Variants in GRM8 observed in about 807,000 individuals in gnomAD.
The protein encoded by GRM8 is metabotropic glutamate receptor 8.
A neutral mutation model predicts 87.2 loss-of-function variants in GRM8; 47 were observed. That is an observed-to-expected ratio of 0.54 (90% CI 0.43 to 0.69). GRM8 has a LOEUF of 0.69. Among genes scored for constraint, GRM8 ranks in the 30% least tolerant of loss-of-function variants. GRM8 has a pLI of 0.00. For synonymous variants in GRM8, 396 were observed against 404.5 expected, an observed-to-expected ratio of 0.98 and a Z score of 0.25; for missense variants, 1,019 against 1,139.2, an observed-to-expected ratio of 0.89 and a Z score of 1.52.
intron 9 of GRM8, among the ~76,000 whole-genome samples, chr7:126,474,828 T>G (rs149041003): frequency 4.6e-5 from 7 of 152,270 alleles, no homozygotes; most frequent in Non-Finnish European, 1.0e-4. Context: ...GATGGTTTCA[T>G]GTACACAAAT....
At chr7:126,568,282 A>T in intron 8 of GRM8, among the ~76,000 whole-genome samples, 1 of 152,182 alleles carries the variant, frequency 6.6e-6, no homozygotes, top group East Asian at 1.9e-4. Flanking sequence ...CAAGATATCA[A>T]ACATATCCAT....
At position 126,557,417 on chromosome 7, in the gene GRM8, C is replaced by T. The variant is rs370910432; in HGVS notation, c.1495-23530G>A. On this transcript the variant is annotated intron_variant, in intron 8 of 10. Transcript: ENST00000339582. Reference sequence around the variant, plus strand: ...TGTCTCTGTACATTTTTCTCGCACACCAGCACAGGGCACTTCTTTGCTGCT... The same window carrying T: ...TGTCTCTGTACATTTTTCTCGCACATCAGCACAGGGCACTTCTTTGCTGCT... Among the ~76,000 whole-genome samples, 3 of 152,188 alleles carry T rather than the reference C, an allele frequency of 2.0e-5. No individual in the cohort carries two copies. The East Asian group carries it at 5.8e-4, about 29-fold the overall frequency.
chr7:126,724,563 G>A (rs1013918672), intron 7 of GRM8, among the ~76,000 whole-genome samples: 1 of 152,044 alleles, frequency 6.6e-6, no homozygotes, highest in Non-Finnish European at 1.5e-5. Flanking sequence ...CTGAGAGTCT[G>A]GCATTGCTTA....
intron 3 of GRM8, among the ~76,000 whole-genome samples, chr7:127,083,207 T>C (rs1373409281): frequency 1.3e-5 from 2 of 152,238 alleles, no homozygotes; most frequent in Admixed American, 1.3e-4. Context: ...GCATTTCTTT[T>C]TGTTTTCCTC....
At chr7:126,501,873 G>A (rs1809700690) in intron 9 of GRM8, among the ~76,000 whole-genome samples, 1 of 152,014 alleles carries the variant, frequency 6.6e-6, no homozygotes, top group South Asian at 2.1e-4. Context: ...ATTTTAATCA[G>A]CCAGAAGGAC....
intron 6 of GRM8, among the ~76,000 whole-genome samples, chr7:126,802,736 A>G (rs970710852): frequency 1.3e-5 from 2 of 152,224 alleles, no homozygotes; most frequent in African/African-American, 4.8e-5. Flanking sequence ...GCTGCAGCAT[A>G]AATGGCAGAA....
At chr7:126,499,918 C>CGA (rs1554365788) in intron 9 of GRM8, among the ~76,000 whole-genome samples, 1 of 151,566 alleles carries the variant, frequency 6.6e-6, no homozygotes, top group Non-Finnish European at 1.5e-5. Context: ...TATACAATTA[C>CGA]TTTGTTAATT....
At chr7:126,690,705 C>T (rs751705605) in intron 7 of GRM8, among the ~76,000 whole-genome samples, 12 of 152,132 alleles carry the variant, frequency 7.9e-5, no homozygotes, top group East Asian at 5.8e-4. Context: ...GAATGAGGTA[C>T]GCAGACAAGT....
chr7:126,690,772 G>A (rs951782857), intron 7 of GRM8, among the ~76,000 whole-genome samples: 1 of 152,154 alleles, frequency 6.6e-6, no homozygotes, highest in African/African-American at 2.4e-5. Context: ...GACCTGCAGT[G>A]GGTAGCTTTT....
intron 6 of GRM8, among the ~76,000 whole-genome samples, chr7:126,820,418 C>T (rs1457588382): frequency 6.6e-6 from 1 of 152,186 alleles, no homozygotes; most frequent in African/African-American, 2.4e-5. Context: ...ACTTCTTCAG[C>T]ACCACCCTAT....
chr7:127,025,860 A>T (rs993314417), intron 3 of GRM8, among the ~76,000 whole-genome samples: 2 of 151,800 alleles, frequency 1.3e-5, no homozygotes, highest in African/African-American at 2.4e-5. Flanking sequence ...TAGGTGATTT[A>T]TATATATATA....
chr7:126,491,380 A>G (rs968183409), intron 9 of GRM8, among the ~76,000 whole-genome samples: 11 of 152,128 alleles, frequency 7.2e-5, no homozygotes, highest in Middle Eastern at 3.4e-3. Flanking sequence ...TATTATCTTC[A>G]TTTTACAGGG....
intron 3 of GRM8, among the ~76,000 whole-genome samples, chr7:127,079,455 T>G (rs1822626304): frequency 1.3e-5 from 2 of 152,374 alleles, no homozygotes; most frequent in Middle Eastern, 3.4e-3. Context: ...AATCAAACTT[T>G]GATGCCTTCT....
chr7:126,873,919 A>G (rs1799315622), intron 6 of GRM8, among the ~76,000 whole-genome samples: 1 of 152,148 alleles, frequency 6.6e-6, no homozygotes, highest in Admixed American at 6.5e-5. Flanking sequence ...TTCTAAGTCA[A>G]TATTTTGTAA....
chr7:126,560,234 C>T (rs1297891831), intron 8 of GRM8, among the ~76,000 whole-genome samples: 2 of 151,952 alleles, frequency 1.3e-5, no homozygotes, highest in East Asian at 1.9e-4. Flanking sequence ...ATTTTTTAAC[C>T]GGAAGTCAGG....
intron 3 of GRM8, among the ~76,000 whole-genome samples, chr7:126,968,277 A>G (rs959079438): frequency 6.6e-6 from 1 of 152,200 alleles, no homozygotes; most frequent in Non-Finnish European, 1.5e-5. Context: ...AAATATTTCT[A>G]TGCCAGTCAT....
chr7:126,735,050 A>T (rs1173345440), intron 7 of GRM8, among the ~76,000 whole-genome samples: 1 of 152,082 alleles, frequency 6.6e-6, no homozygotes, highest in Admixed American at 6.6e-5. Context: ...CTTCCATAGG[A>T]CTGTTACACA....
chr7:127,215,681 T>G (rs1796485442), intron 2 of GRM8, among the ~76,000 whole-genome samples: 1 of 152,242 alleles, frequency 6.6e-6, no homozygotes, highest in South Asian at 2.1e-4. Flanking sequence ...TTTAAAAGGT[T>G]GTTTTTTATA....
At chr7:127,133,486 C>T (rs1052741514) in intron 2 of GRM8, among the ~76,000 whole-genome samples, 3 of 151,682 alleles carry the variant, frequency 2.0e-5, no homozygotes, top group Non-Finnish European at 4.4e-5. Context: ...CCGAGGCAGG[C>T]GAATCACGAG....
Sources: gnomAD v4.1 joint callset for allele counts (sites outside exome capture counted in the v4.1 genomes callset) on GRCh38, gnomAD v4.1.1 for gene constraint, MANE v1.5 for transcripts, NCBI Gene and HGNC (gene_info 2026-07-23, HGNC 2026-07-21) for gene names.